The following CACTIN variants were observed in gnomAD, a reference collection of about 807,000 sequenced individuals.
CACTIN encodes splicing factor Cactin.
A neutral mutation model predicts 84.9 loss-of-function variants in CACTIN; 20 were observed. That is an observed-to-expected ratio of 0.24 (90% CI 0.17 to 0.34). The LOEUF (loss-of-function observed/expected upper bound fraction) is 0.34, where lower values mean the gene tolerates loss of function less well. CACTIN is among the 10% of genes least tolerant of loss of function. CACTIN has a pLI of 1.00. For missense variants in CACTIN, 897 were observed against 1,117.2 expected (o/e 0.80, Z 2.81); for synonymous variants, 549 against 467.9 (o/e 1.17, Z -2.24).
chr19:3,612,940 A>C (rs1389251438), intron 9 of CACTIN, 118 bp downstream of exon 9: 4 of 1,220,684 alleles, frequency 3.3e-6, no homozygotes, highest in Non-Finnish European at 3.5e-6. Flanking sequence ...CCCGGGGGAG[A>C]AGCAGCAAGC....
Position 3,611,907 on chromosome 19 carries a change from C to CCGTT in CACTIN, c.*12_*15dup. 1 of 1,611,192 alleles carries CCGTT rather than the reference C, an allele frequency of 6.2e-7. No homozygotes were observed. The highest frequency in any genetic ancestry group is 1.7e-5 in the Admixed American group (1 of 59,878). On this transcript the variant is annotated 3_prime_UTR_variant, in exon 10 of 10. Transcript: ENST00000429344. ...CTGTGCCCCCGAGGACACCTGCCTGCCGTTCCCCAGGGCCGTCACCGCCGA... is the reference window on the plus strand; with the variant it reads ...CTGTGCCCCCGAGGACACCTGCCTGCCGTTCGTTCCCCAGGGCCGTCACCGCCGA...
Position 3,613,571 on chromosome 19 carries a change from G to A in CACTIN, c.1371C>T (p.His457=), listed in dbSNP as rs752912674. The change falls in exon 8 of 10, where the codon CAC becomes CAT. Residue 457 remains histidine, a synonymous_variant. Transcript: ENST00000429344. ...ACAGCTTCTGCCGCAGCACGTCCTG[G>A]TGGCGCTCACGCAGCCTGGGACGCA... ...HMARARLRER[H]QDVLRQKLYK... The A allele has an allele frequency of 1.2e-5, 19 of 1,601,608 alleles. No individual in the cohort carries two copies. The South Asian group carries it at 1.9e-4, about 16-fold the overall frequency.
rs536021360 is a variant in CACTIN, at chr19:3,619,003, G to T, written c.1048-14C>A. On this transcript the variant is annotated splice_polypyrimidine_tract_variant and intron_variant, in intron 5 of 9. Transcript: ENST00000429344. Reference sequence around the variant, plus strand: ...CTCCATGTAGACCTGGGGGCAGGGGGCAGGGGTCAGGACACGGGTGTGGCT... The same window carrying T: ...CTCCATGTAGACCTGGGGGCAGGGGTCAGGGGTCAGGACACGGGTGTGGCT... 20 of 1,550,616 alleles carry T rather than the reference G, an allele frequency of 1.3e-5. No individual in the cohort carries two copies. The highest frequency in any genetic ancestry group is 2.4e-5 in the East Asian group (1 of 40,946).
At chr19:3,617,629 T>C (rs769526241) in intron 6 of CACTIN, among the ~76,000 whole-genome samples, 9 of 151,252 alleles carry the variant, frequency 6.0e-5, no homozygotes, top group Admixed American at 1.3e-4. Flanking sequence ...CTCCCAGTCT[T>C]ACAGGAGAGG....
rs569529881 is a variant in CACTIN at position 3,621,936 on chromosome 19, G to A, written c.643-1134C>T. On this transcript the variant is annotated intron_variant, in intron 2 of 9. Coordinates refer to ENST00000429344, the MANE Select transcript of CACTIN (RefSeq NM_001080543.2). ...CACAGCTCCCAACTGCGCAACCGGC[G>A]AGCAGGTGCAGTCGGCCCAGCCCAC... 2.0e-4 allele frequency among the ~76,000 whole-genome samples: 31 copies of A among 152,232 alleles called. 1 individual carries two copies. Among genetic ancestry groups the A allele is most frequent in the South Asian group, 1.7e-3 (8 of 4,818 alleles).
At chr19:3,619,681 G>T (rs11883225) in intron 4 of CACTIN, among the ~76,000 whole-genome samples, 2 of 152,148 alleles carry the variant, frequency 1.3e-5, no homozygotes, top group Admixed American at 6.5e-5. Context: ...GGGCCTGCAG[G>T]GGGGTACGCG....
chr19:3,620,921 G>T, intron 2 of CACTIN, 119 bp from the exon 3 acceptor site: 2 of 763,028 alleles, frequency 2.6e-6, no homozygotes, highest in Non-Finnish European at 4.6e-6. Flanking sequence ...TGACCTGCCA[G>T]CACTGCACGT....
Position 3,611,795 on chromosome 19 carries a change from T to A in CACTIN, c.*128A>T. The A allele has an allele frequency of 8.4e-7, 1 of 1,184,902 alleles. No individual in the cohort carries two copies. Among genetic ancestry groups the A allele is most frequent in the Non-Finnish European group, 1.2e-6 (1 of 826,092 alleles). The allele number at this position is 1,184,902 out of a possible 1,614,324, so 73.4% of individuals were successfully genotyped here. On this transcript the variant is annotated 3_prime_UTR_variant, in exon 10 of 10. Transcript: ENST00000429344. ...AAACTGAGGCCTGGCGAAAGAAAGATGCGGCCTGAGGTGGGACGTGAACCC... is the reference window on the plus strand; with the variant it reads ...AAACTGAGGCCTGGCGAAAGAAAGAAGCGGCCTGAGGTGGGACGTGAACCC...
chr19:3,625,458 G>A (rs1198149570), intron 1 of CACTIN, among the ~76,000 whole-genome samples: 1 of 152,168 alleles, frequency 6.6e-6, no homozygotes, highest in Non-Finnish European at 1.5e-5. Flanking sequence ...GGGCAGGCGC[G>A]GTGGCTCACG....
intron 2 of CACTIN, among the ~76,000 whole-genome samples, chr19:3,621,225 G>A (rs957760904): frequency 4.6e-5 from 7 of 152,222 alleles, no homozygotes; most frequent in African/African-American, 1.4e-4. Flanking sequence ...CCCACTGCAC[G>A]TGGGACAGGG....
intron 9 of CACTIN, chr19:3,612,658 T>G: frequency 2.8e-6 from 2 of 718,002 alleles, no homozygotes; most frequent in Non-Finnish European, 4.9e-6. Flanking sequence ...CGCAGCGCGC[T>G]TCCCCGCCGA....
chr19:3,626,513 G>A (rs1439359901), intron 1 of CACTIN, 83 bp downstream of exon 1: 2 of 1,248,728 alleles, frequency 1.6e-6, no homozygotes, highest in Non-Finnish European at 2.0e-6. Context: ...GGGGTTTCCC[G>A]GTTCCCCGGG....
intron 6 of CACTIN, among the ~76,000 whole-genome samples, chr19:3,618,189 G>C (rs1417440901): frequency 1.4e-5 from 2 of 143,850 alleles, no homozygotes; most frequent in Non-Finnish European, 3.0e-5. Context: ...GGGGGGGGGG[G>C]GGTCTCATCT....
intron 4 of CACTIN, among the ~76,000 whole-genome samples, chr19:3,619,607 C>T (rs1438726815): frequency 6.6e-6 from 1 of 152,192 alleles, no homozygotes; most frequent in Non-Finnish European, 1.5e-5. Context: ...AGAGTAGTCA[C>T]TGCCTTGCAA....
chr19:3,620,648 G>T, intron 3 of CACTIN, 59 bp downstream of exon 3: 1 of 1,385,072 alleles, frequency 7.2e-7, no homozygotes. Context: ...GCCAAAGGGG[G>T]CGGGCCTCCA....
At chr19:3,612,458 G>A in intron 9 of CACTIN, 45 bp from the exon 10 acceptor site, 1 of 1,532,508 alleles carries the variant, frequency 6.5e-7, no homozygotes, top group South Asian at 1.2e-5. Flanking sequence ...CTCCCCCTGG[G>A]TCCTGGCCTC....
At chr19:3,620,942 C>G (rs2033211266) in intron 2 of CACTIN, 140 bp from the exon 3 acceptor site, 1 of 713,296 alleles carries the variant, frequency 1.4e-6, no homozygotes, top group African/African-American at 1.7e-5. Flanking sequence ...CTTCCACCCC[C>G]TCCTTAACAC....
intron 2 of CACTIN, among the ~76,000 whole-genome samples, chr19:3,621,717 T>G (rs1444359548): frequency 3.3e-5 from 5 of 151,616 alleles, no homozygotes; most frequent in East Asian, 1.9e-4. Context: ...TAAAGAACTC[T>G]GGGGGGTCTG....
At chr19:3,625,471 T>G (rs941454231) in intron 1 of CACTIN, among the ~76,000 whole-genome samples, 10 of 152,192 alleles carry the variant, frequency 6.6e-5, no homozygotes, top group African/African-American at 2.4e-4. Context: ...GGCTCACGCC[T>G]GTAATCCCAG....
Sources: gnomAD v4.1 joint callset for allele counts (sites outside exome capture counted in the v4.1 genomes callset) on GRCh38, gnomAD v4.1.1 for gene constraint, MANE v1.5 for transcripts, NCBI Gene and HGNC (gene_info 2026-07-23, HGNC 2026-07-21) for gene names.